PAX5: variants seen among roughly 807,000 people sequenced by gnomAD.
The protein encoded by PAX5 is paired box protein Pax-5.
PAX5 carries 9 observed loss-of-function variants against 43.7 expected under a neutral mutation model. The observed-to-expected ratio is 0.21, with a 90% CI of 0.12 to 0.36. The LOEUF (loss-of-function observed/expected upper bound fraction) is 0.36. PAX5 is among the 10% of genes least tolerant of loss of function. PAX5 has a pLI of 1.00. For synonymous variants in PAX5, 228 were observed against 214.3 expected (o/e 1.06, Z -0.56); for missense variants, 383 against 532.7 (o/e 0.72, Z 2.77).
intron 6 of PAX5, among the ~76,000 whole-genome samples, chr9:36,959,334 G>A (rs1385295739): frequency 6.6e-6 from 1 of 152,242 alleles, no homozygotes; most frequent in East Asian, 1.9e-4. Flanking sequence ...GCAATGGGAA[G>A]CTCACTACTT....
intron 7 of PAX5, among the ~76,000 whole-genome samples, chr9:36,916,944 C>T (rs1829772364): frequency 6.6e-6 from 1 of 152,110 alleles, no homozygotes; most frequent in Non-Finnish European, 1.5e-5. Flanking sequence ...CTTGGTCTCC[C>T]AAAATGCTGG....
At chr9:37,006,600 G>C in intron 3 of PAX5, 63 bp from the exon 4 acceptor site, 1 of 1,309,106 alleles carries the variant, frequency 7.6e-7, no homozygotes, top group Non-Finnish European at 1.1e-6. Flanking sequence ...ACCTCAACCA[G>C]CTATGCACAG....
intron 8 of PAX5, among the ~76,000 whole-genome samples, chr9:36,847,450 T>C (rs1452587907): frequency 6.6e-6 from 1 of 152,100 alleles, no homozygotes. Context: ...CTCTGTGCTG[T>C]GAAGGCAGGG....
chr9:36,885,442 G>A (rs1173469935), intron 7 of PAX5, among the ~76,000 whole-genome samples: 1 of 152,150 alleles, frequency 6.6e-6, no homozygotes, highest in Non-Finnish European at 1.5e-5. Context: ...GAGGATAATA[G>A]CCAGCGCTTA....
At chr9:36,958,938 C>A (rs1426788951) in intron 6 of PAX5, among the ~76,000 whole-genome samples, 1 of 152,236 alleles carries the variant, frequency 6.6e-6, no homozygotes, top group East Asian at 1.9e-4. Context: ...CCACCAGTAT[C>A]CTGGCCCTGG....
intron 8 of PAX5, among the ~76,000 whole-genome samples, chr9:36,873,131 T>C (rs1825632174): frequency 6.6e-6 from 1 of 152,228 alleles, no homozygotes; most frequent in Non-Finnish European, 1.5e-5. Flanking sequence ...CTTCCCTGAT[T>C]TCTCCCACTC....
At chr9:36,971,452 T>C (rs1409129365) in intron 5 of PAX5, among the ~76,000 whole-genome samples, 1 of 152,224 alleles carries the variant, frequency 6.6e-6, no homozygotes, top group African/African-American at 2.4e-5. Context: ...ACCATGAAGA[T>C]GCTGTCTGAC....
chr9:36,959,464 C>A (rs56710920), intron 6 of PAX5, among the ~76,000 whole-genome samples: 13,184 of 152,238 alleles, frequency 0.087, 660 homozygotes, highest in South Asian at 0.13. Flanking sequence ...GCCCAAATTT[C>A]TCCAGTCATT....
chr9:37,019,815 C>T (rs1839705071), intron 2 of PAX5, among the ~76,000 whole-genome samples: 1 of 152,150 alleles, frequency 6.6e-6, no homozygotes. Context: ...TGTTTTGGGG[C>T]TATGGTGAGA....
intron 6 of PAX5, among the ~76,000 whole-genome samples, chr9:36,941,205 T>C (rs7032968): frequency 0.75 from 113,949 of 152,194 alleles, 42,908 homozygotes; most frequent in East Asian, 0.8. Flanking sequence ...AGACCCTGGC[T>C]TTGCCCCTGT....
In PAX5 at chr9:36,961,670, G is replaced by A. The variant is rs527470400; in HGVS notation, c.780+4879C>T. On this transcript the variant is annotated intron_variant, in intron 6 of 9. Transcript: ENST00000358127. ...GGTGTTGGTTAATAGTCTGCCGAGA[G>A]TAAATACGGCAGGCTATGCTCCGTA... Among the ~76,000 whole-genome samples the A allele has an allele frequency of 2.0e-5, 3 of 152,352 alleles. No homozygotes were observed. In the East Asian group the frequency reaches 5.8e-4, roughly 29 times the overall value.
chr9:36,945,766 C>G (rs1832444745), intron 6 of PAX5, among the ~76,000 whole-genome samples: 1 of 152,230 alleles, frequency 6.6e-6, no homozygotes, highest in Admixed American at 6.5e-5. Context: ...ATCCCAGCAG[C>G]ACAACTTACC....
At chr9:37,000,035 C>T (rs561269313) in intron 5 of PAX5, among the ~76,000 whole-genome samples, 2 of 152,270 alleles carry the variant, frequency 1.3e-5, no homozygotes, top group East Asian at 3.9e-4. Flanking sequence ...CCTCCTGACT[C>T]CCCAGTCCAT....
intron 5 of PAX5, among the ~76,000 whole-genome samples, chr9:36,975,387 T>C (rs553239527): frequency 7.0e-6 from 1 of 143,512 alleles, no homozygotes; most frequent in East Asian, 2.0e-4. Context: ...GAGCAATTTC[T>C]TTTTTTTTTG....
intron 7 of PAX5, among the ~76,000 whole-genome samples, chr9:36,899,230 G>A (rs1212496861): frequency 1.3e-5 from 2 of 152,152 alleles, no homozygotes; most frequent in Admixed American, 6.5e-5. Context: ...AGATGCCCTG[G>A]TCCTGTCCCC....
chr9:36,890,624 A>G lies in PAX5; in HGVS notation c.911-8519T>C, dbSNP rs532346716. On this transcript the variant is annotated intron_variant, in intron 7 of 9. Coordinates refer to ENST00000358127, the MANE Select transcript of PAX5 (RefSeq NM_016734.3). ...AGGGTTTTTTCCACAGTAACATTCCATAAGTCGGTGGCATCATTTCACCCC... is the reference window on the plus strand; with the variant it reads ...AGGGTTTTTTCCACAGTAACATTCCGTAAGTCGGTGGCATCATTTCACCCC... 7.9e-5 allele frequency among the ~76,000 whole-genome samples: 12 copies of G among 152,300 alleles called. No homozygotes were observed. The South Asian group carries it at 8.3e-4, about 11-fold the overall frequency.
At chr9:37,025,681 A>G (rs2132531052) in intron 1 of PAX5, among the ~76,000 whole-genome samples, 1 of 152,214 alleles carries the variant, frequency 6.6e-6, no homozygotes, top group South Asian at 2.1e-4. Flanking sequence ...GGCTGTGGTA[A>G]TGGGTGAATT....
intron 8 of PAX5, among the ~76,000 whole-genome samples, chr9:36,877,289 C>T (rs1299984978): frequency 1.3e-5 from 2 of 152,176 alleles, no homozygotes; most frequent in African/African-American, 4.8e-5. Context: ...GAGCCAAGAT[C>T]GCACCACTGC....
intron 6 of PAX5, among the ~76,000 whole-genome samples, chr9:36,943,617 C>T (rs1832250912): frequency 6.6e-6 from 1 of 151,526 alleles, no homozygotes; most frequent in Non-Finnish European, 1.5e-5. Flanking sequence ...GCCTAAGGAT[C>T]ACTGTGTAAG....
Sources: allele counts gnomAD v4.1 joint callset (sites outside exome capture counted in the v4.1 genomes callset), GRCh38; gene constraint gnomAD v4.1.1; transcripts MANE v1.5; gene names NCBI Gene and HGNC (gene_info 2026-07-23, HGNC 2026-07-21).